AKR1E2: variants seen among roughly 807,000 people sequenced by gnomAD.
AKR1E2 encodes 1,5-anhydro-D-fructose reductase.
In AKR1E2, 43 loss-of-function variants were observed where a neutral mutation model predicts 41.9. The ratio of observed to expected loss-of-function variants is 1.03; its 90% CI spans 0.80 to 1.32. AKR1E2 has a LOEUF of 1.32. Ranked by LOEUF, AKR1E2 falls within the 40% of genes most tolerant of loss-of-function variation. AKR1E2 has a pLI of 0.00. For missense variants in AKR1E2, 423 were observed against 396.5 expected (o/e 1.07, Z -0.57); for synonymous variants, 121 against 138.9 (o/e 0.87, Z 0.91).
the AKR1E2 span, among the ~76,000 whole-genome samples, chr10:4,864,424 A>C: frequency 6.6e-6 from 1 of 152,208 alleles, no homozygotes; most frequent in African/African-American, 2.4e-5. Flanking sequence ...TTCATGCTAA[A>C]AACTCTCAAT....
the AKR1E2 span, among the ~76,000 whole-genome samples, chr10:4,856,369 C>A: frequency 6.6e-6 from 1 of 152,164 alleles, no homozygotes; most frequent in Non-Finnish European, 1.5e-5. Flanking sequence ...GGAATAAAAG[C>A]ACAACAGGTT....
At chr10:4,830,874 T>C in intron 2 of AKR1E2, 32 bp downstream of exon 2, 2 of 1,612,754 alleles carry the variant, frequency 1.2e-6, no homozygotes, top group Non-Finnish European at 1.7e-6. Flanking sequence ...CTGGCAGAGC[T>C]TGGGTAATGC....
the AKR1E2 span, among the ~76,000 whole-genome samples, chr10:4,867,420 T>C: frequency 6.6e-6 from 1 of 152,234 alleles, no homozygotes; most frequent in Non-Finnish European, 1.5e-5. Flanking sequence ...CCTGTCACCA[T>C]TTTCTAATTG....
At chr10:4,832,877 T>C (rs573765229) in intron 2 of AKR1E2, among the ~76,000 whole-genome samples, 2 of 152,132 alleles carry the variant, frequency 1.3e-5, no homozygotes, top group East Asian at 1.9e-4. Flanking sequence ...TGGAAGGAGA[T>C]AGCTAAAAGA....
At chr10:4,827,306 ATTG>A (rs66868088) in intron 1 of AKR1E2, among the ~76,000 whole-genome samples, 9,373 of 151,790 alleles carry the variant, frequency 0.062, 510 homozygotes, top group Middle Eastern at 0.12. Flanking sequence ...CTCAGTTATT[ATTG>A]TTTGTGGTAA....
chr10:4,860,731 A>G, the AKR1E2 span, among the ~76,000 whole-genome samples: 1 of 152,218 alleles, frequency 6.6e-6, no homozygotes, highest in Non-Finnish European at 1.5e-5. Context: ...TCTCTCTAAT[A>G]TATTGTGATT....
chr10:4,854,116 CAGAG>C, the AKR1E2 span, among the ~76,000 whole-genome samples: 1 of 132,916 alleles, frequency 7.5e-6, no homozygotes, highest in African/African-American at 2.9e-5. Flanking sequence ...TTTTTTTAGA[CAGAG>C]TCATGCTCTG....
At chr10:4,845,173 AT>A (rs1834231966) in intron 8 of AKR1E2, among the ~76,000 whole-genome samples, 1 of 152,174 alleles carries the variant, frequency 6.6e-6, no homozygotes, top group Non-Finnish European at 1.5e-5. Context: ...TAAGCCCCTC[AT>A]TGCCCAGGGC....
intron 6 of AKR1E2, 71 bp from the exon 7 acceptor site, chr10:4,841,714 T>G (rs1833891507): frequency 3.4e-6 from 4 of 1,174,212 alleles, no homozygotes; most frequent in Non-Finnish European, 4.7e-6. Context: ...GGACAAAGAT[T>G]TCTTCTTTCT....
chr10:4,851,788 G>A (rs1026794103), downstream of AKR1E2, among the ~76,000 whole-genome samples: 1 of 152,168 alleles, frequency 6.6e-6, no homozygotes, highest in African/African-American at 2.4e-5. Context: ...AATTTGACTC[G>A]GGAAATCTGG....
At chr10:4,851,607 A>C (rs1834528068), downstream of AKR1E2, among the ~76,000 whole-genome samples, 1 of 152,190 alleles carries the variant, frequency 6.6e-6, no homozygotes, top group African/African-American at 2.4e-5. Flanking sequence ...TACTAACTCG[A>C]TGCTTTCTGT....
chr10:4,857,459 C>T, the AKR1E2 span, among the ~76,000 whole-genome samples: 9 of 152,218 alleles, frequency 5.9e-5, no homozygotes, highest in Admixed American at 1.3e-4. Flanking sequence ...GTGCCCCTCC[C>T]TCTTTCCCAT....
Position 4,830,656 on chromosome 10 carries a change from T to C in AKR1E2, c.40-19T>C, listed in dbSNP as rs780564593. 3.7e-6 allele frequency: 6 copies of C among 1,612,696 alleles called. No individual in the cohort carries two copies. Among genetic ancestry groups the C allele is most frequent in the Non-Finnish European group, 5.1e-6 (6 of 1,178,864 alleles). ...TTCCTCTGACTGTGAGAAGACACTT[T>C]GTTTTGTTGGTTTTGCAGGCTTCTC... On this transcript the variant is annotated intron_variant, in intron 1 of 9. Transcript: ENST00000298375.
chr10:4,845,928 G>T (rs1299658160), intron 8 of AKR1E2: 6 of 456,460 alleles, frequency 1.3e-5, no homozygotes, highest in South Asian at 9.4e-5. Context: ...TGCTTATGCT[G>T]TCAGGAGGAG....
At chr10:4,868,548 A>G in the AKR1E2 span, among the ~76,000 whole-genome samples, 1 of 152,148 alleles carries the variant, frequency 6.6e-6, no homozygotes, top group Non-Finnish European at 1.5e-5. Flanking sequence ...TATGCCTTTT[A>G]TCTACTTTTC....
chr10:4,858,542 T>G, the AKR1E2 span, among the ~76,000 whole-genome samples: 1 of 152,224 alleles, frequency 6.6e-6, no homozygotes, highest in Non-Finnish European at 1.5e-5. Context: ...AGCATAGAAC[T>G]ACAGAGAGAA....
At chr10:4,842,000 G>A (rs1833926213) in intron 7 of AKR1E2, 143 bp downstream of exon 7, 6 of 671,494 alleles carry the variant, frequency 8.9e-6, no homozygotes, top group Admixed American at 3.3e-5. Context: ...CCAGCGTCAA[G>A]CAGAATTTGG....
the AKR1E2 span, among the ~76,000 whole-genome samples, chr10:4,854,491 T>C: frequency 4.6e-5 from 7 of 152,176 alleles, no homozygotes; most frequent in African/African-American, 7.2e-5. Context: ...TGGGGTCTTC[T>C]TCCAGACCCT....
chr10:4,863,656 A>C, the AKR1E2 span, among the ~76,000 whole-genome samples: 3 of 151,942 alleles, frequency 2.0e-5, no homozygotes, highest in South Asian at 2.1e-4. Flanking sequence ...CCTTCAAAAA[A>C]TCAATGAATC....
Sources: allele counts gnomAD v4.1 joint callset (sites outside exome capture counted in the v4.1 genomes callset), GRCh38; gene constraint gnomAD v4.1.1; transcripts MANE v1.5; gene names NCBI Gene and HGNC (gene_info 2026-07-23, HGNC 2026-07-21).